Variants in RALGAPA2 observed in about 807,000 individuals in gnomAD.
RALGAPA2 encodes Ral GTPase activating protein catalytic subunit alpha 2, also known as ral GTPase-activating protein subunit alpha-2.
In RALGAPA2, 139 loss-of-function variants were observed where a neutral mutation model predicts 230.4. The ratio of observed to expected loss-of-function variants is 0.60; its 90% confidence interval spans 0.53 to 0.69. The LOEUF (loss-of-function observed/expected upper bound fraction) is 0.69. Ranked by LOEUF, RALGAPA2 falls within the 30% of genes least tolerant of loss-of-function variation. The pLI, the probability that RALGAPA2 is intolerant of heterozygous loss-of-function variation, is 0.00. For missense variants in RALGAPA2, 2,163 were observed against 2,276.0 expected (o/e 0.95, Z 1.01); for synonymous variants, 847 against 837.8 (o/e 1.01, Z -0.19).
intron 38 of RALGAPA2, among the ~76,000 whole-genome samples, chr20:20,403,454 G>A (rs1041305934): frequency 1.3e-5 from 2 of 152,196 alleles, no homozygotes; most frequent in Non-Finnish European, 2.9e-5. Flanking sequence ...CCTCTGGCAA[G>A]TTGCTAGCTT....
chr20:20,477,208 T>C (rs1480282306), intron 36 of RALGAPA2, among the ~76,000 whole-genome samples: 1 of 152,198 alleles, frequency 6.6e-6, no homozygotes, highest in Admixed American at 6.5e-5. Flanking sequence ...CTTTTCAATA[T>C]TAAATATATT....
At chr20:20,399,315 T>A (rs1462192801) in intron 38 of RALGAPA2, among the ~76,000 whole-genome samples, 1 of 132,284 alleles carries the variant, frequency 7.6e-6, no homozygotes, top group African/African-American at 2.9e-5. Context: ...TTGCACTACA[T>A]CCTGGGCAAT....
At chr20:20,455,813 A>G (rs1230908416) in intron 37 of RALGAPA2, among the ~76,000 whole-genome samples, 1 of 152,268 alleles carries the variant, frequency 6.6e-6, no homozygotes, top group Admixed American at 6.5e-5. Context: ...TACAATTTAT[A>G]TGGTTTTCAA....
intron 37 of RALGAPA2, among the ~76,000 whole-genome samples, chr20:20,428,390 A>G (rs1056587865): frequency 6.6e-6 from 1 of 152,126 alleles, no homozygotes; most frequent in East Asian, 1.9e-4. Context: ...AAATTAAGAC[A>G]CTTACTCTTA....
chr20:20,697,149 GA>G (rs1175984348), intron 1 of RALGAPA2, among the ~76,000 whole-genome samples: 1 of 152,124 alleles, frequency 6.6e-6, no homozygotes, highest in Non-Finnish European at 1.5e-5. Flanking sequence ...AAAAACAGTG[GA>G]AACAGTCTAA....
intron 27 of RALGAPA2, among the ~76,000 whole-genome samples, chr20:20,530,773 G>C (rs1394140747): frequency 6.6e-6 from 1 of 152,132 alleles, no homozygotes; most frequent in African/African-American, 2.4e-5. Context: ...CTAGAGCCTT[G>C]AACAAGTTCC....
At chr20:20,486,760 T>A (rs546404004) in intron 36 of RALGAPA2, among the ~76,000 whole-genome samples, 1 of 152,344 alleles carries the variant, frequency 6.6e-6, no homozygotes, top group South Asian at 2.1e-4. Context: ...GTTCAGATGT[T>A]TTTCAACCTT....
chr20:20,670,055 G>A (rs1268827069), intron 3 of RALGAPA2, among the ~76,000 whole-genome samples: 1 of 152,176 alleles, frequency 6.6e-6, no homozygotes, highest in Non-Finnish European at 1.5e-5. Flanking sequence ...CATTACTGGA[G>A]CTCTGACATG....
intron 37 of RALGAPA2, among the ~76,000 whole-genome samples, chr20:20,458,736 C>T (rs1300280868): frequency 5.2e-4 from 8 of 15,408 alleles, no homozygotes; most frequent in African/African-American, 2.0e-3. Flanking sequence ...ATACACACAC[C>T]TATATATATA....
intron 37 of RALGAPA2, among the ~76,000 whole-genome samples, chr20:20,456,432 G>A (rs552800004): frequency 6.6e-6 from 1 of 152,384 alleles, no homozygotes; most frequent in South Asian, 2.1e-4. Flanking sequence ...CCGTTGGCCT[G>A]TGGCCCTCCT....
rs74565351 is a variant in RALGAPA2 at position 20,579,882 on chromosome 20, T to A, written c.2707+3168A>T. On this transcript the variant is annotated intron_variant, in intron 20 of 39. Coordinates refer to ENST00000202677, the MANE Select transcript of RALGAPA2 (RefSeq NM_020343.4). ...CATATATCATGATTCCATGTCTGTG[T>A]GCACTCAGTGCTATATTTTATCTTC... 1.2e-4 allele frequency among the ~76,000 whole-genome samples: 18 copies of A among 152,316 alleles called. No individual in the cohort carries two copies. In the East Asian group the frequency reaches 3.5e-3, roughly 29 times the overall value.
chr20:20,397,065 G>A (rs2059734010), intron 38 of RALGAPA2, among the ~76,000 whole-genome samples: 1 of 152,202 alleles, frequency 6.6e-6, no homozygotes, highest in African/African-American at 2.4e-5. Context: ...TCCTTTCCCT[G>A]CTCTCCAACT....
intron 2 of RALGAPA2, among the ~76,000 whole-genome samples, chr20:20,676,783 C>T (rs2068338317): frequency 6.6e-6 from 1 of 152,174 alleles, no homozygotes; most frequent in Non-Finnish European, 1.5e-5. Context: ...CTCTGTGTAC[C>T]AAGCATCGTG....
In RALGAPA2 at chr20:20,417,883, A is replaced by T. The variant is rs143367009; in HGVS notation, c.5496-5735T>A. ...CTTGTAAGGAGAGGTTAGAGAGTTC[A>T]ATTTGAAGTAAAATTATACACAGAT... is the stretch of plus-strand genomic sequence containing the variant. On this transcript the variant is annotated intron_variant, in intron 37 of 39. Coordinates refer to ENST00000202677, the MANE Select transcript of RALGAPA2 (RefSeq NM_020343.4). Among the ~76,000 whole-genome samples, 580 of 152,346 alleles carry T rather than the reference A, an allele frequency of 3.8e-3. 6 individuals are homozygous for T. The highest frequency in any genetic ancestry group is 0.014 in the African/African-American group (564 of 41,558).
intron 14 of RALGAPA2, among the ~76,000 whole-genome samples, chr20:20,611,058 A>C (rs768741712): frequency 3.3e-5 from 5 of 152,140 alleles, no homozygotes; most frequent in Non-Finnish European, 5.9e-5. Flanking sequence ...CCTTCCACCA[A>C]GGCCATCAGA....
At chr20:20,668,917 G>T (rs763422770) in intron 3 of RALGAPA2, among the ~76,000 whole-genome samples, 1 of 152,174 alleles carries the variant, frequency 6.6e-6, no homozygotes, top group Non-Finnish European at 1.5e-5. Flanking sequence ...CCAGGGAGAG[G>T]ACTGTGAGTG....
At chr20:20,709,345 T>A (rs916339538) in intron 1 of RALGAPA2, among the ~76,000 whole-genome samples, 2 of 150,846 alleles carry the variant, frequency 1.3e-5, no homozygotes, top group Non-Finnish European at 3.0e-5. Flanking sequence ...AAAATGAGCC[T>A]AGTGTGGTGG....
chr20:20,524,949 G>A (rs904983599), intron 28 of RALGAPA2, 51 bp from the exon 29 acceptor site: 2 of 1,512,012 alleles, frequency 1.3e-6, no homozygotes. Context: ...GTAAGCCTTT[G>A]TAAGCCTATG....
At chr20:20,698,273 A>ATT (rs202132751) in intron 1 of RALGAPA2, among the ~76,000 whole-genome samples, 4 of 142,524 alleles carry the variant, frequency 2.8e-5, no homozygotes, top group African/African-American at 5.1e-5. Context: ...CTTTTAAATG[A>ATT]TTTTTTTTTT....
Sources: allele counts gnomAD v4.1 joint callset (sites outside exome capture counted in the v4.1 genomes callset), GRCh38; gene constraint gnomAD v4.1.1; transcripts MANE v1.5; gene names NCBI Gene and HGNC (gene_info 2026-07-23, HGNC 2026-07-21).